Variants in PSEN2 observed in about 807,000 individuals in gnomAD.
PSEN2 encodes the protein presenilin-2.
Under a neutral mutation model 49.1 loss-of-function variants are expected in PSEN2, and 32 were observed. The observed-to-expected ratio is 0.65, with a 90% CI of 0.49 to 0.88. The LOEUF is 0.88. Among genes scored for constraint, PSEN2 ranks in the 40% least tolerant of loss-of-function variants. The probability of loss-of-function intolerance (pLI) is 0.00; values close to 1 mark genes in which losing one functional copy is unlikely to be tolerated. For missense variants in PSEN2, 522 were observed against 586.9 expected (o/e 0.89, Z 1.14); for synonymous variants, 255 against 244.0 (o/e 1.05, Z -0.42).
rs374055800 is a variant in PSEN2 at position 226,890,119 on chromosome 1, C to T, written c.872C>T (p.Ala291Val). The change falls in exon 9 of 13, where the codon GCC becomes GTC. Residue 291 changes from alanine (A) to valine (V), a missense_variant. Ala to Val is a moderately conservative substitution (Grantham distance 64). Coordinates refer to ENST00000366783, the MANE Select transcript of PSEN2 (RefSeq NM_000447.3). ...AQERNEPIFPALIYSSAMVWT... is the reference protein window; with the variant it reads ...AQERNEPIFPVLIYSSAMVWT... The stretch of plus-strand genomic sequence containing the variant: ...GAGAGAAATGAGCCCATATTCCCTG[C>T]CCTGATATACTCATGTGAGTGAGCC... 3.7e-6 allele frequency: 6 copies of T among 1,612,920 alleles called. No homozygotes were observed. The highest frequency in any genetic ancestry group is 1.3e-5 in the African/African-American group (1 of 74,900).
intron 12 of PSEN2, among the ~76,000 whole-genome samples, chr1:226,894,505 G>A (rs1432351321): frequency 1.3e-5 from 2 of 152,242 alleles, no homozygotes; most frequent in South Asian, 2.1e-4. Flanking sequence ...GCCCATGGGC[G>A]CAAAGCTAGT....
intron 6 of PSEN2, among the ~76,000 whole-genome samples, chr1:226,885,925 A>G (rs1661333325): frequency 6.7e-6 from 1 of 148,190 alleles, no homozygotes; most frequent in Non-Finnish European, 1.5e-5. Context: ...GCTGGAGTGC[A>G]GTGGTGCGAT....
At chr1:226,872,517 T>C (rs1571930991) in intron 2 of PSEN2, among the ~76,000 whole-genome samples, 2 of 152,354 alleles carry the variant, frequency 1.3e-5, no homozygotes, top group East Asian at 1.9e-4. Flanking sequence ...AGGAGGTTCC[T>C]GTATTCAACT....
chr1:226,881,772 C>G lies in PSEN2; in HGVS notation c.-20-116C>G, dbSNP rs1172938784. 2.6e-6 allele frequency: 3 copies of G among 1,152,094 alleles called. No individual in the cohort carries two copies. The Admixed American group carries it at 5.1e-5, about 20-fold the overall frequency. The allele number at this position is 1,152,094 out of a possible 1,614,324, so 71.4% of individuals were successfully genotyped here. On this transcript the variant is annotated intron_variant, in intron 3 of 12. Transcript: ENST00000366783. ...TTGATTGACAGGCATCTCTTGGAAG[C>G]TTTTGGGGCAGGACTTGTGTCCAAG...
At chr1:226,891,511 C>T (rs529007601) in intron 10 of PSEN2, 150 bp downstream of exon 10, 6 of 778,636 alleles carry the variant, frequency 7.7e-6, no homozygotes, top group African/African-American at 1.7e-5. Context: ...ACACATGCGG[C>T]TTGAAGATTC....
chr1:226,901,266 T>C (rs1662311733), downstream of PSEN2, among the ~76,000 whole-genome samples: 1 of 152,048 alleles, frequency 6.6e-6, no homozygotes, highest in Admixed American at 6.5e-5. Flanking sequence ...TGAAACTCCG[T>C]CTCTACTAAC....
chr1:226,874,116 G>A (rs909585310), intron 2 of PSEN2, among the ~76,000 whole-genome samples: 15 of 152,236 alleles, frequency 9.9e-5, no homozygotes, highest in African/African-American at 3.6e-4. Context: ...GAGCTGGTGA[G>A]TGAGTGATTA....
At chr1:226,899,818 G>A (rs1025606762), downstream of PSEN2, among the ~76,000 whole-genome samples, 5 of 152,140 alleles carry the variant, frequency 3.3e-5, no homozygotes, top group Admixed American at 6.5e-5. Context: ...TGTGCTAGCC[G>A]TCAAGTCACA....
At position 226,893,197 on chromosome 1, in the gene PSEN2, C is replaced by CTGGG. The variant is rs1237645395; in HGVS notation, c.1073-809_1073-806dup. Among the ~76,000 whole-genome samples, 3 of 152,228 alleles carry CTGGG rather than the reference C, an allele frequency of 2.0e-5. No individual in the cohort carries two copies. The East Asian group carries it at 5.8e-4, about 29-fold the overall frequency. ...CCACCTGCCTTGGCCTTCCAAAGTACTGGGATTATAGGTCTGAGCCACAGC... is the reference window on the plus strand; with the variant it reads ...CCACCTGCCTTGGCCTTCCAAAGTACTGGGTGGGATTATAGGTCTGAGCCACAGC... On this transcript the variant is annotated intron_variant, in intron 11 of 12. Coordinates refer to ENST00000366783, the MANE Select transcript of PSEN2 (RefSeq NM_000447.3).
chr1:226,895,386 G>C, intron 12 of PSEN2, 38 bp from the exon 13 acceptor site: 1 of 1,612,798 alleles, frequency 6.2e-7, no homozygotes, highest in Non-Finnish European at 8.5e-7. Flanking sequence ...GTCCACACCA[G>C]GGATCACCAC....
downstream of PSEN2, among the ~76,000 whole-genome samples, chr1:226,901,655 A>G (rs1431722607): frequency 6.6e-6 from 1 of 152,142 alleles, no homozygotes; most frequent in African/African-American, 2.4e-5. Flanking sequence ...CTGACTAATG[A>G]CGTTGGGCAC....
intron 3 of PSEN2, among the ~76,000 whole-genome samples, chr1:226,878,425 A>G (rs975168878): frequency 1.3e-5 from 2 of 152,132 alleles, no homozygotes; most frequent in Admixed American, 6.5e-5. Flanking sequence ...AACTGATTCT[A>G]CTTGATCCTG....
At position 226,881,915 on chromosome 1, in the gene PSEN2, C is replaced by A. The variant is rs1261261196; in HGVS notation, c.8C>A (p.Thr3Lys). Residue 3 changes from threonine (T) to lysine (K), a missense_variant, in exon 4 of 13, where the codon ACA becomes AAA. By Grantham distance (78) the Thr-to-Lys change is moderately conservative. Transcript: ENST00000366783. ML[T>K]FMASDSEEEV... Reference sequence around the variant, plus strand: ...GCTTCCAGAGGCAGGGCTATGCTCACATTCATGGCCTCTGACAGCGAGGAA... The same window carrying A: ...GCTTCCAGAGGCAGGGCTATGCTCAAATTCATGGCCTCTGACAGCGAGGAA... 3.7e-6 allele frequency: 6 copies of A among 1,614,136 alleles called. No individual in the cohort carries two copies. The highest frequency in any genetic ancestry group is 5.1e-6 in the Non-Finnish European group (6 of 1,180,056).
chr1:226,895,811 C>T lies in PSEN2; in HGVS notation c.*232C>T. On this transcript the variant is annotated 3_prime_UTR_variant, in exon 13 of 13. Coordinates refer to ENST00000366783, the MANE Select transcript of PSEN2 (RefSeq NM_000447.3). ...CTCGCTTCACGGACAGGAAGCACAGCAGGTTTATCCAGATGAACTGAGAAG... is the reference window on the plus strand; with the variant it reads ...CTCGCTTCACGGACAGGAAGCACAGTAGGTTTATCCAGATGAACTGAGAAG... The T allele has an allele frequency of 1.7e-6, 1 of 578,296 alleles. No homozygotes were observed. The highest frequency in any genetic ancestry group is 2.0e-5 in the South Asian group (1 of 49,446). 35.8% of individuals were successfully genotyped at this position (578,296 alleles called of 1,614,324 possible). A position where few individuals can be genotyped will look rare whatever the true frequency, so the allele number is the denominator to read the frequency against.
At chr1:226,870,863 AGGCGGCGGCTGGGCCG>A (rs1660230868) in intron 1 of PSEN2, 1 of 151,986 alleles carries the variant, frequency 6.6e-6, no homozygotes, top group Non-Finnish European at 1.5e-5. Context: ...AGTGCCCGGC[AGGCGGCGGCTGGGCCG>A]GCCCGGAACT....
At chr1:226,888,734 G>A in intron 7 of PSEN2, 95 bp from the exon 8 acceptor site, 3 of 1,088,424 alleles carry the variant, frequency 2.8e-6, no homozygotes, top group Non-Finnish European at 4.3e-6. Context: ...GGAAATGTTA[G>A]TAAAGAGGGC....
At chr1:226,883,573 G>C (rs1267651057) in intron 4 of PSEN2, 132 bp from the exon 5 acceptor site, 1 of 837,636 alleles carries the variant, frequency 1.2e-6, no homozygotes, top group Non-Finnish European at 2.0e-6. Context: ...TGCCCTAGTA[G>C]CTCATAGACT....
At chr1:226,873,570 C>G (rs999836730) in intron 2 of PSEN2, among the ~76,000 whole-genome samples, 1 of 152,060 alleles carries the variant, frequency 6.6e-6, no homozygotes, top group African/African-American at 2.4e-5. Flanking sequence ...TGCCTGCCAC[C>G]ACTCCCAGCT....
At chr1:226,901,680 A>C (rs1021602436) in intron 12 of PSEN2, among the ~76,000 whole-genome samples, 1 of 152,174 alleles carries the variant, frequency 6.6e-6, no homozygotes, top group Non-Finnish European at 1.5e-5. Context: ...TCATGTGCTT[A>C]CTGGTCAGAT....
Sources: gnomAD v4.1 joint callset for allele counts (sites outside exome capture counted in the v4.1 genomes callset) on GRCh38, gnomAD v4.1.1 for gene constraint, MANE v1.5 for transcripts, NCBI Gene and HGNC (gene_info 2026-07-23, HGNC 2026-07-21) for gene names.